CFAP20DC: variants seen among roughly 807,000 people sequenced by gnomAD.
CFAP20DC encodes CFAP20 domain containing.
Under a neutral mutation model 101.7 loss-of-function variants are expected in CFAP20DC, and 84 were observed. The ratio of observed to expected loss-of-function variants is 0.83; its 90% CI spans 0.69 to 0.99. The LOEUF is 0.99. Ranked by LOEUF, CFAP20DC falls within the 50% of genes least tolerant of loss-of-function variation. The pLI, the probability that CFAP20DC is intolerant of heterozygous loss-of-function variation, is 0.00. For synonymous variants in CFAP20DC, 359 were observed against 351.2 expected (o/e 1.02, Z -0.25); for missense variants, 1,007 against 970.3 (o/e 1.04, Z -0.50).
rs2067419494 is a variant in CFAP20DC at position 58,717,949 on chromosome 3, C to T, written c.198-321G>A. ...CTGATGTAGGGCTTCTTAATAAGTT[C>T]TCTTCTCAAAAGCTTATGATTTTTA... On this transcript the variant is annotated intron_variant, in intron 3 of 3. Coordinates refer to the CFAP20DC transcript ENST00000486145. The surrounding 1 kb of genome is among the most constrained non-coding windows in gnomAD (Gnocchi z 4.1). Among the ~76,000 whole-genome samples, 1 of 152,194 alleles carries T rather than the reference C, an allele frequency of 6.6e-6. No homozygotes were observed. Among genetic ancestry groups the T allele is most frequent in the Non-Finnish European group, 1.5e-5 (1 of 68,020 alleles).
In CFAP20DC at chr3:58,870,306, T is replaced by G. The variant is rs1448928323; in HGVS notation, c.719A>C (p.Gln240Pro). The part of the protein sequence containing the change: ...GHPLRSAESD[Q>P]FINRGTSITR... ...AATACTTGTTCCTCTGTTAATGAAC[T>G]GATCTGTTTTGTTAAAGGAAGGTAA... The change falls in exon 8 of 17, where the codon CAG becomes CCG. Residue 240 changes from glutamine to proline, a missense_variant. Physicochemically the swap from Gln to Pro is moderately conservative, Grantham distance 76. Coordinates refer to ENST00000482387, the MANE Select transcript of CFAP20DC (RefSeq NM_001394063.1). The G allele has an allele frequency of 1.3e-5, 21 of 1,613,308 alleles. No individual in the cohort carries two copies. The highest frequency in any genetic ancestry group is 1.7e-5 in the Non-Finnish European group (20 of 1,179,354).
intron 15 of CFAP20DC, among the ~76,000 whole-genome samples, chr3:58,778,038 A>G (rs2107546841): frequency 6.6e-6 from 1 of 152,268 alleles, no homozygotes; most frequent in South Asian, 2.1e-4. Context: ...GTGCATTTTC[A>G]TGTGTCCCAA....
At chr3:58,997,207 A>T (rs1467466284) in intron 4 of CFAP20DC, among the ~76,000 whole-genome samples, 1 of 152,212 alleles carries the variant, frequency 6.6e-6, no homozygotes, top group Non-Finnish European at 1.5e-5. Context: ...CATTTATTTA[A>T]TTCTATGTGC....
intron 15 of CFAP20DC, among the ~76,000 whole-genome samples, chr3:58,774,634 C>T (rs568549081): frequency 9.2e-5 from 14 of 152,232 alleles, no homozygotes; most frequent in South Asian, 4.1e-4. Flanking sequence ...GGAAAAGACA[C>T]GCCAGGCAAA....
intron 15 of CFAP20DC, among the ~76,000 whole-genome samples, chr3:58,765,490 C>CAAAAAAAAAAAAAAAAAAAACAA (rs1337049385): frequency 1.2e-5 from 1 of 81,824 alleles, no homozygotes; most frequent in African/African-American, 4.4e-5. Context: ...AAAAAAAAAC[C>CAAAAAAAAAAAAAAAAAAAACAA]AAAAAAAAAA....
At chr3:58,751,096 C>T (rs982384471) in intron 16 of CFAP20DC, among the ~76,000 whole-genome samples, 2 of 152,112 alleles carry the variant, frequency 1.3e-5, no homozygotes, top group African/African-American at 4.8e-5. Flanking sequence ...TCCCTTTATT[C>T]CTTCTCTTCT....
At chr3:58,762,674 A>T (rs1276170942) in intron 15 of CFAP20DC, among the ~76,000 whole-genome samples, 1 of 152,150 alleles carries the variant, frequency 6.6e-6, no homozygotes. Context: ...CGTGGCTGGT[A>T]CTGGTTGTTC....
chr3:58,818,626 C>G (rs1360056420), intron 14 of CFAP20DC, among the ~76,000 whole-genome samples: 1 of 144,338 alleles, frequency 6.9e-6, no homozygotes, highest in Non-Finnish European at 1.5e-5. Flanking sequence ...TACAGGAGCA[C>G]CCAGATTCAT....
chr3:59,036,083 C>T (rs557412202), intron 4 of CFAP20DC, among the ~76,000 whole-genome samples: 11 of 152,168 alleles, frequency 7.2e-5, no homozygotes, highest in Middle Eastern at 3.4e-3. Flanking sequence ...AAAAGGCCTT[C>T]GATAAAATTC....
At chr3:59,025,024 C>A (rs1298716898) in intron 4 of CFAP20DC, among the ~76,000 whole-genome samples, 1 of 152,110 alleles carries the variant, frequency 6.6e-6, no homozygotes, top group African/African-American at 2.4e-5. Flanking sequence ...AATGAGAAAG[C>A]CCTGTTTATT....
chr3:58,720,010 C>CT (rs1464564623), intron 3 of CFAP20DC, among the ~76,000 whole-genome samples: 1 of 152,222 alleles, frequency 6.6e-6, no homozygotes, highest in Non-Finnish European at 1.5e-5. Flanking sequence ...CTTGGAGGGG[C>CT]TTTTTCTGAC....
intron 14 of CFAP20DC, among the ~76,000 whole-genome samples, chr3:58,822,645 TA>T (rs2075763502): frequency 6.6e-6 from 1 of 151,914 alleles, no homozygotes; most frequent in African/African-American, 2.4e-5. Flanking sequence ...TAGTGATTTT[TA>T]AGTGTTAGAA....
intron 5 of CFAP20DC, among the ~76,000 whole-genome samples, chr3:58,935,966 T>C (rs1307075172): frequency 2.0e-5 from 3 of 151,920 alleles, no homozygotes; most frequent in African/African-American, 7.3e-5. Context: ...CAAAAGAAAC[T>C]ACCATCAGAG....
intron 15 of CFAP20DC, among the ~76,000 whole-genome samples, chr3:58,765,401 G>A (rs1407482140): frequency 3.1e-5 from 4 of 130,064 alleles, no homozygotes; most frequent in Non-Finnish European, 4.7e-5. Flanking sequence ...GCTGTGTGGG[G>A]ATTTCAGGAT....
At chr3:58,753,677 A>T (rs1181608547) in intron 16 of CFAP20DC, 92 bp downstream of exon 16, 1 of 874,108 alleles carries the variant, frequency 1.1e-6, no homozygotes, top group Non-Finnish European at 1.8e-6. Context: ...TCAACATTTA[A>T]TAAAAACAGT....
chr3:59,019,544 G>A (rs933751732), intron 4 of CFAP20DC, among the ~76,000 whole-genome samples: 4 of 151,948 alleles, frequency 2.6e-5, no homozygotes, highest in Non-Finnish European at 5.9e-5. Context: ...AGCTCCTATC[G>A]TTGGCCTGCA....
Position 58,812,413 on chromosome 3 carries a change from G to A in CFAP20DC, c.2176-5957C>T, listed in dbSNP as rs2074727003. On this transcript the variant is annotated intron_variant, in intron 14 of 16. Coordinates refer to ENST00000482387, the MANE Select transcript of CFAP20DC (RefSeq NM_001394063.1). ...AGTTCATGTCCTTTGTAGGGACATG[G>A]ATGAAATTGGAAATCATCATTCTCA... Among the ~76,000 whole-genome samples the A allele has an allele frequency of 2.0e-5, 3 of 152,164 alleles. No homozygotes were observed. The South Asian group carries it at 6.2e-4, about 32-fold the overall frequency.
chr3:58,758,029 T>A (rs1467677973), intron 15 of CFAP20DC, among the ~76,000 whole-genome samples: 1 of 152,144 alleles, frequency 6.6e-6, no homozygotes, highest in South Asian at 2.1e-4. Flanking sequence ...GGCTGGAGTA[T>A]GCAGCATTGC....
At chr3:58,774,114 G>T (rs1260103258) in intron 15 of CFAP20DC, among the ~76,000 whole-genome samples, 1 of 151,636 alleles carries the variant, frequency 6.6e-6, no homozygotes, top group Non-Finnish European at 1.5e-5. Context: ...AAATTCTCAA[G>T]GAAGTCAGTT....
Sources: gnomAD v4.1 joint callset for allele counts (sites outside exome capture counted in the v4.1 genomes callset) on GRCh38, gnomAD v4.1.1 for gene constraint, Gnocchi (gnomAD v3.1) non-coding constraint, MANE v1.5 for transcripts, NCBI Gene and HGNC (gene_info 2026-07-23, HGNC 2026-07-21) for gene names.